The following NAA80 variants were observed in gnomAD, a reference collection of about 807,000 sequenced individuals.
The protein encoded by NAA80 is N-alpha-acetyltransferase 80, NatH catalytic subunit, also known as N-alpha-acetyltransferase 80.
Under a neutral mutation model 8.7 loss-of-function variants are expected in NAA80, and 5 were observed. That is an observed-to-expected ratio of 0.58 (90% confidence interval 0.30 to 1.21). NAA80 has a LOEUF of 1.21. NAA80 is among the 50% of genes most tolerant of loss of function. NAA80 has a pLI of 0.07. For missense variants in NAA80, 360 were observed against 368.6 expected, an observed-to-expected ratio of 0.98 and a Z score of 0.19; for synonymous variants, 149 against 156.6, an observed-to-expected ratio of 0.95 and a Z score of 0.36.
chr3:50,299,023 G>A (rs11545105), intron 1 of NAA80, 190 bp downstream of exon 1: 20,402 of 1,509,890 alleles, frequency 0.014, 265 homozygotes, highest in Middle Eastern at 0.048. Context: ...CTCCCTCCTA[G>A]TGGGTCACAG....
rs781962043 is a variant in NAA80 at position 50,296,768 on chromosome 3, G to A, written c.696C>T (p.Ala232=). ...RKAPNLTAQA[A]PRGPKGPPLP... Reference sequence around the variant, plus strand: ...ATGGAGGTCCCTTGGGACCCCTTGGGGCAGCTTGGGCAGTCAGGTTTGGGG... The same window carrying A: ...ATGGAGGTCCCTTGGGACCCCTTGGAGCAGCTTGGGCAGTCAGGTTTGGGG... The change falls in exon 2 of 2, where the codon GCC becomes GCT. Residue 232 remains alanine, a synonymous_variant. Coordinates refer to ENST00000443094, the MANE Select transcript of NAA80 (RefSeq NM_001200016.2). 2 of 1,598,436 alleles carry A rather than the reference G, an allele frequency of 1.3e-6. No homozygotes were observed. Among genetic ancestry groups the A allele is most frequent in the Admixed American group, 1.7e-5 (1 of 58,102 alleles).
chr3:50,299,048 G>C (rs1575507805), intron 1 of NAA80, 165 bp downstream of exon 1: 2 of 1,572,276 alleles, frequency 1.3e-6, no homozygotes, highest in Non-Finnish European at 1.7e-6. Context: ...TGGAGCTTTT[G>C]GGAATGAGGA....
rs782571735 is a variant in NAA80 at position 50,297,430 on chromosome 3, G to C, written c.34C>G (p.Leu12Val). 5.6e-6 allele frequency: 9 copies of C among 1,611,938 alleles called. No individual in the cohort carries two copies. The highest frequency in any genetic ancestry group is 1.3e-5 in the African/African-American group (1 of 75,024). Residue 12 changes from leucine to valine, a missense_variant, in exon 2 of 2, where the codon CTG becomes GTG. Coordinates refer to ENST00000443094, the MANE Select transcript of NAA80 (RefSeq NM_001200016.2). This position sits in a 1 kb window ranked among gnomAD's most constrained non-coding sequence, Gnocchi z 4.3. The stretch of plus-strand genomic sequence containing the variant: ...GGCTGGCACGCAGGATCCAGAGTCA[G>C]CTCAGCTGGGCTGGTACTCAGGATC... ...ELILSTSPAE[L>V]TLDPACQPKL... is the part of the protein sequence containing the mutation.
At position 50,296,711 on chromosome 3, in the gene NAA80, CA is replaced by C; in HGVS notation, c.752del (p.Leu251ArgfsTer24). 1 of 1,612,966 alleles carries C rather than the reference CA, an allele frequency of 6.2e-7. No individual in the cohort carries two copies. The highest frequency in any genetic ancestry group is 8.5e-7 in the Non-Finnish European group (1 of 1,179,574). ...LPPPPPLPEC[L>X]TISPPVPSGP... ...CTGATGGAACTGGGGGTGAGATGGT[CA>C]GGCACTCAGGTAGGGGAGGGGGTGG... On this transcript the variant is annotated frameshift_variant, in exon 2 of 2. Coordinates refer to ENST00000443094, the MANE Select transcript of NAA80 (RefSeq NM_001200016.2). LOFTEE classifies it high-confidence loss of function.
Position 50,297,666 on chromosome 3 carries a change from TCTC to T in NAA80, c.-206_-204del. ...TAGCATCTCTTCAGACCACAGTGGC[TCTC>T]CTCCTGTAGATAACAGCCATGCTGG... On this transcript the variant is annotated 5_prime_UTR_variant, in exon 2 of 2. Transcript: ENST00000443094. The surrounding 1 kb of genome is among the most constrained non-coding windows in gnomAD (Gnocchi z 4.3). 1 of 1,397,302 alleles carries T rather than the reference TCTC, an allele frequency of 7.2e-7. No individual in the cohort carries two copies. Among genetic ancestry groups the T allele is most frequent in the Non-Finnish European group, 9.3e-7 (1 of 1,080,762 alleles). The allele number at this position is 1,397,302 out of a possible 1,614,324, so 86.6% of individuals were successfully genotyped here. A position where few individuals can be genotyped will look rare whatever the true frequency, so the allele number is the denominator to read the frequency against.
Position 50,296,606 on chromosome 3 carries a change from G to C in NAA80, c.858C>G (p.Ile286Met), listed in dbSNP as rs781888148. Residue 286 changes from isoleucine to methionine, a missense_variant, in exon 2 of 2, where the codon ATC (isoleucine) becomes ATG (methionine). Coordinates refer to ENST00000443094, the MANE Select transcript of NAA80 (RefSeq NM_001200016.2). ...GRPIFWMEKDI is the reference protein window; with the variant it reads ...GRPIFWMEKDM ...CAGTTCCTTGCCCTGGATGGCCTCA[G>C]ATGTCTTTTTCCATCCAGAATATGG... 5.0e-6 allele frequency: 8 copies of C among 1,613,848 alleles called. No individual in the cohort carries two copies. In the Admixed American group the frequency reaches 5.0e-5, roughly 10 times the overall value.
At chr3:50,298,878 G>T in intron 1 of NAA80, 1 of 1,311,410 alleles carries the variant, frequency 7.6e-7, no homozygotes, top group East Asian at 3.4e-5. Flanking sequence ...GGAAGCCCCA[G>T]GATCCGCCCC....
At position 50,297,645 on chromosome 3, in the gene NAA80, A is replaced by G. The variant is rs72932956; in HGVS notation, c.-182T>C. On this transcript the variant is annotated 5_prime_UTR_variant, in exon 2 of 2. The change abolishes an upstream ATG in the 5' untranslated region. Coordinates refer to ENST00000443094, the MANE Select transcript of NAA80 (RefSeq NM_001200016.2). This position sits in a 1 kb window ranked among gnomAD's most constrained non-coding sequence, Gnocchi z 4.3. Reference sequence around the variant, plus strand: ...AAGACCCCAGTCTCCAGGCAGTAGCATCTCTTCAGACCACAGTGGCTCTCC... The same window carrying G: ...AAGACCCCAGTCTCCAGGCAGTAGCGTCTCTTCAGACCACAGTGGCTCTCC... The G allele has an allele frequency of 6.7e-3, 9,608 of 1,441,040 alleles. 580 individuals carry two copies. The African/African-American group carries it at 0.12, about 19-fold the overall frequency. 89.3% of individuals were successfully genotyped at this position (1,441,040 alleles called of 1,614,324 possible). A position where few individuals can be genotyped will look rare whatever the true frequency, so the allele number is the denominator to read the frequency against.
In NAA80 at chr3:50,297,114, G is replaced by C; in HGVS notation, c.350C>G (p.Ala117Gly). ...GCGGGCATGGCCCACCACAACGGGT[G>C]CTGCTTCAAGTGTGGGGTGGGGGCT... ...LLSPHPTLEA[A>G]PVVVGHARLS... Residue 117 changes from alanine (A) to glycine (G), a missense_variant, in exon 2 of 2, where the codon GCA (alanine) becomes GGA (glycine). Coordinates refer to ENST00000443094, the MANE Select transcript of NAA80 (RefSeq NM_001200016.2). This position sits in a 1 kb window ranked among gnomAD's most constrained non-coding sequence, Gnocchi z 4.3. The C allele has an allele frequency of 1.9e-6, 3 of 1,559,740 alleles. No individual in the cohort carries two copies. Among genetic ancestry groups the C allele is most frequent in the Non-Finnish European group, 2.6e-6 (3 of 1,151,192 alleles).
chr3:50,296,459 G>A lies in NAA80; in HGVS notation c.*144C>T. On this transcript the variant is annotated 3_prime_UTR_variant, in exon 2 of 2. Transcript: ENST00000443094. Reference sequence around the variant, plus strand: ...CGGCTCTGAGCCAGAGCCACCTCCTGGCCCCACTGGTACCCAGGAAACATG... The same window carrying A: ...CGGCTCTGAGCCAGAGCCACCTCCTAGCCCCACTGGTACCCAGGAAACATG... 1 of 948,214 alleles carries A rather than the reference G, an allele frequency of 1.1e-6. No individual in the cohort carries two copies. The highest frequency in any genetic ancestry group is 2.6e-5 in the East Asian group (1 of 37,756). 58.7% of individuals were successfully genotyped at this position (948,214 alleles called of 1,614,324 possible).
In NAA80 at chr3:50,297,039, A is replaced by C; in HGVS notation, c.425T>G (p.Val142Gly). The change falls in exon 2 of 2, where the codon GTG becomes GGG. Residue 142 changes from valine to glycine, a missense_variant. Physicochemically the swap from Val to Gly is moderately radical, Grantham distance 109. Transcript: ENST00000443094. This position sits in a 1 kb window ranked among gnomAD's most constrained non-coding sequence, Gnocchi z 4.3. Reference protein sequence around the residue: ...QPQSLLVETVVVARALRGRGF... With the variant: ...QPQSLLVETVGVARALRGRGF... ...ACGGCCCCTCAGGGCCCGGGCCACC[A>C]CCACTGTCTCCACTAAGAGGCTCTG... The C allele has an allele frequency of 6.5e-7, 1 of 1,537,174 alleles. No homozygotes were observed. The highest frequency in any genetic ancestry group is 8.7e-7 in the Non-Finnish European group (1 of 1,145,228).
At chr3:50,299,123 G>T in intron 1 of NAA80, 90 bp downstream of exon 1, 4 of 1,612,402 alleles carry the variant, frequency 2.5e-6, no homozygotes, top group Non-Finnish European at 3.4e-6. Flanking sequence ...CGACTGACGC[G>T]GGGAGGGCGT....
In NAA80 at chr3:50,297,257, G is replaced by A. The variant is rs35565547; in HGVS notation, c.207C>T (p.Pro69=). ...GGTCAGCACAAGCATCCAGGAGCTC[G>A]GGTCGGCGGTGCACAGGCTCCAGGG... ...ELTLEPVHRR[P]ELLDACADLI... is the part of the protein sequence containing the mutation. The change falls in exon 2 of 2, where the codon CCC becomes CCT. Residue 69 remains proline, a synonymous_variant. Transcript: ENST00000443094. The surrounding 1 kb of genome is among the most constrained non-coding windows in gnomAD (Gnocchi z 4.3). 70 of 1,610,266 alleles carry A rather than the reference G, an allele frequency of 4.3e-5. No homozygotes were observed. The Admixed American group carries it at 4.5e-4, about 10-fold the overall frequency.
chr3:50,297,539 A>G lies in NAA80; in HGVS notation c.-76T>C, dbSNP rs782284362. On this transcript the variant is annotated 5_prime_UTR_variant, in exon 2 of 2. Transcript: ENST00000443094. The surrounding 1 kb of genome is among the most constrained non-coding windows in gnomAD (Gnocchi z 4.3). ...GAGTCAGCTCTTGCCTATGCACAGG[A>G]TCCAGGTTCAGCTGAGTCAGGCTGG... is the stretch of plus-strand genomic sequence containing the variant. 1.3e-6 allele frequency: 2 copies of G among 1,509,058 alleles called. No homozygotes were observed. The highest frequency in any genetic ancestry group is 1.8e-6 in the Non-Finnish European group (2 of 1,126,656). The allele number at this position is 1,509,058 out of a possible 1,614,324, so 93.5% of individuals were successfully genotyped here.
chr3:50,296,513 A>AG lies in NAA80; in HGVS notation c.*89dup. 1 of 1,430,034 alleles carries AG rather than the reference A, an allele frequency of 7.0e-7. No homozygotes were observed. 88.6% of individuals were successfully genotyped at this position (1,430,034 alleles called of 1,614,324 possible). A position where few individuals can be genotyped will look rare whatever the true frequency, so the allele number is the denominator to read the frequency against. Reference sequence around the variant, plus strand: ...AGGTTAAAGCTGCCCCCCAGGGGCTAGGGGCTGAGGTATGGTCAGTGGGCT... The same window carrying AG: ...AGGTTAAAGCTGCCCCCCAGGGGCTAGGGGGCTGAGGTATGGTCAGTGGGCT... On this transcript the variant is annotated 3_prime_UTR_variant, in exon 2 of 2. Coordinates refer to ENST00000443094, the MANE Select transcript of NAA80 (RefSeq NM_001200016.2).
chr3:50,298,771 C>T, intron 1 of NAA80: 3 of 1,059,786 alleles, frequency 2.8e-6, no homozygotes, highest in South Asian at 5.8e-5. Context: ...GTAACAGGCA[C>T]CCCCCTCCCC....
In NAA80 at chr3:50,297,017, G is replaced by T; in HGVS notation, c.447C>A (p.Gly149=). 6.5e-7 allele frequency: 1 copy of T among 1,544,880 alleles called. No homozygotes were observed. The highest frequency in any genetic ancestry group is 8.7e-7 in the Non-Finnish European group (1 of 1,149,846). ...CCATGAGGCGGCGGCCAAAGCCACG[G>T]CCCCTCAGGGCCCGGGCCACCACCA... ...ETVVVARALR[G]RGFGRRLMEG... The change falls in exon 2 of 2, where the codon GGC becomes GGA. Residue 149 remains glycine, a synonymous_variant. Coordinates refer to ENST00000443094, the MANE Select transcript of NAA80 (RefSeq NM_001200016.2). This position sits in a 1 kb window ranked among gnomAD's most constrained non-coding sequence, Gnocchi z 4.3.
chr3:50,298,813 C>A, intron 1 of NAA80: 1 of 1,167,380 alleles, frequency 8.6e-7, no homozygotes, highest in Non-Finnish European at 1.1e-6. Context: ...GGGCTGTAAG[C>A]CCCTCACCTG....
chr3:50,298,967 T>G (rs1177549391), intron 1 of NAA80: 17 of 1,441,358 alleles, frequency 1.2e-5, no homozygotes, highest in Non-Finnish European at 1.5e-5. Flanking sequence ...GGCTCCGGGG[T>G]CCTCAGAGAG....
Sources: allele counts gnomAD v4.1 joint callset, GRCh38; gene constraint gnomAD v4.1.1; non-coding constraint Gnocchi (gnomAD v3.1); transcripts MANE v1.5; gene names NCBI Gene and HGNC (gene_info 2026-07-23, HGNC 2026-07-21).